Variants in ADAMTS8 observed in about 807,000 individuals in gnomAD.
The protein encoded by ADAMTS8 is ADAM metallopeptidase with thrombospondin type 1 motif 8.
A neutral mutation model predicts 64.4 loss-of-function variants in ADAMTS8; 50 were observed. The ratio of observed to expected loss-of-function variants is 0.78; its 90% CI spans 0.62 to 0.98. The LOEUF (loss-of-function observed/expected upper bound fraction) is 0.98. Among genes scored for constraint, ADAMTS8 ranks in the 50% least tolerant of loss-of-function variants. The probability of loss-of-function intolerance (pLI) is 0.00; values close to 1 mark genes in which losing one functional copy is unlikely to be tolerated. For synonymous variants in ADAMTS8, 556 were observed against 533.6 expected (o/e 1.04, Z -0.58); for missense variants, 1,192 against 1,208.2 (o/e 0.99, Z 0.20).
chr11:130,409,333 G>A (rs1392860545), intron 6 of ADAMTS8, among the ~76,000 whole-genome samples: 1 of 152,222 alleles, frequency 6.6e-6, no homozygotes, highest in Non-Finnish European at 1.5e-5. Flanking sequence ...CAGTGACACC[G>A]GACATGAATC....
Position 130,405,186 on chromosome 11 carries a change from A to C in ADAMTS8, c.*372T>G. 9.8e-7 allele frequency: 1 copy of C among 1,020,256 alleles called. No individual in the cohort carries two copies. The allele number at this position is 1,020,256 out of a possible 1,614,324, so 63.2% of individuals were successfully genotyped here. ...GTACTAATTTTTTCCCCTGTGAGGT[A>C]GATTATTTATCGGGGAAACCAGATA... is the stretch of plus-strand genomic sequence containing the variant. On this transcript the variant is annotated 3_prime_UTR_variant, in exon 9 of 9. Coordinates refer to ENST00000257359, the MANE Select transcript of ADAMTS8 (RefSeq NM_007037.6).
At chr11:130,419,770 C>G (rs899744799) in intron 1 of ADAMTS8, among the ~76,000 whole-genome samples, 1 of 152,234 alleles carries the variant, frequency 6.6e-6, no homozygotes, top group Admixed American at 6.5e-5. Flanking sequence ...CAACCACCCC[C>G]ACCCGTCCCC....
chr11:130,406,701 G>T (rs1252055081), intron 8 of ADAMTS8, among the ~76,000 whole-genome samples: 5 of 152,216 alleles, frequency 3.3e-5, no homozygotes, highest in Admixed American at 3.3e-4. Context: ...GTTTAAGCCT[G>T]CTTCTTTGAA....
Position 130,427,968 on chromosome 11 carries a change from T to C in ADAMTS8, c.319A>G (p.Asn107Asp). The change falls in exon 1 of 9, where the codon AAT (asparagine) becomes GAT (aspartate). Residue 107 changes from asparagine to aspartate, a missense_variant. Asn to Asp is a conservative substitution (Grantham distance 23). This residue lies in a region of ADAMTS8 where 741 missense variants were observed against 710.6 expected (regional missense o/e 1.04). Transcript: ENST00000257359. ...LRGCFFSGTV[N>D]GEPESLAAVS... Reference sequence around the variant, plus strand: ...GCCGCCAGCGACTCGGGCTCCCCATTCACGGTGCCGGAGAAGAAGCAGCCG... The same window carrying C: ...GCCGCCAGCGACTCGGGCTCCCCATCCACGGTGCCGGAGAAGAAGCAGCCG... The C allele has an allele frequency of 6.5e-7, 1 of 1,531,464 alleles. No homozygotes were observed. Among genetic ancestry groups the C allele is most frequent in the Non-Finnish European group, 8.7e-7 (1 of 1,145,472 alleles). The allele number at this position is 1,531,464 out of a possible 1,614,324, so 94.9% of individuals were successfully genotyped here. A position where few individuals can be genotyped will look rare whatever the true frequency, so the allele number is the denominator to read the frequency against.
chr11:130,414,414 G>C, intron 5 of ADAMTS8, 117 bp downstream of exon 5: 4 of 1,289,448 alleles, frequency 3.1e-6, no homozygotes, highest in Non-Finnish European at 4.2e-6. Flanking sequence ...CTGCCTGGCT[G>C]TCTCTCGGTT....
At chr11:130,427,034 G>T (rs903630578) in intron 1 of ADAMTS8, among the ~76,000 whole-genome samples, 22 of 152,180 alleles carry the variant, frequency 1.4e-4, no homozygotes, top group African/African-American at 5.3e-4. Context: ...CCCTCTCCAG[G>T]TTCAGCTCCT....
chr11:130,411,698 CATT>C lies in ADAMTS8; in HGVS notation c.1567-101_1567-99del. On this transcript the variant is annotated intron_variant, in intron 5 of 8. Transcript: ENST00000257359. This position sits in a 1 kb window ranked among gnomAD's most constrained non-coding sequence, Gnocchi z 4.2. ...CAATGCCCTGGCTTCCTCATCTAGTCATTATCATCTTGGTGCATGGAGTGCCGT... is the reference window on the plus strand; with the variant it reads ...CAATGCCCTGGCTTCCTCATCTAGTCATCATCTTGGTGCATGGAGTGCCGT... 8.0e-7 allele frequency: 1 copy of C among 1,250,514 alleles called. No individual in the cohort carries two copies. The highest frequency in any genetic ancestry group is 1.4e-5 in the South Asian group (1 of 72,202). The allele number at this position is 1,250,514 out of a possible 1,614,324, so 77.5% of individuals were successfully genotyped here.
At position 130,411,437 on chromosome 11, in the gene ADAMTS8, G is replaced by T. The variant is rs377662947; in HGVS notation, c.1730C>A (p.Thr577Lys). The change falls in exon 6 of 9, where the codon ACG becomes AAG. Residue 577 changes from threonine to lysine, a missense_variant. Transcript: ENST00000257359. The surrounding 1 kb of genome is among the most constrained non-coding windows in gnomAD (Gnocchi z 4.2). ...GRRAKYQSCH[T>K]EECPPDGKSF... is the part of the protein sequence containing the mutation. ...ATTACCGTCAGGGGGGCATTCCTCCGTGTGGCATGACTGGTACTTGGCTCT... is the reference window on the plus strand; with the variant it reads ...ATTACCGTCAGGGGGGCATTCCTCCTTGTGGCATGACTGGTACTTGGCTCT... The T allele has an allele frequency of 1.2e-6, 2 of 1,614,072 alleles. No individual in the cohort carries two copies. Among genetic ancestry groups the T allele is most frequent in the South Asian group, 1.1e-5 (1 of 91,062 alleles).
chr11:130,425,648 T>G (rs1475320420), intron 1 of ADAMTS8, among the ~76,000 whole-genome samples: 20 of 151,462 alleles, frequency 1.3e-4, no homozygotes, highest in Admixed American at 1.3e-3. Context: ...TCACCCAGGC[T>G]GGAGTGCAGT....
At position 130,414,653 on chromosome 11, in the gene ADAMTS8, C is replaced by A. The variant is rs371526762; in HGVS notation, c.1444G>T (p.Ala482Ser). 4.9e-4 allele frequency: 792 copies of A among 1,613,770 alleles called. 13 individuals carry two copies. In the South Asian group the frequency reaches 8.3e-3, roughly 17 times the overall value. The change falls in exon 5 of 9, where the codon GCT (alanine) becomes TCT (serine). Residue 482 changes from alanine (A) to serine (S), a missense_variant. Physicochemically the swap from Ala to Ser is moderately conservative, Grantham distance 99. Transcript: ENST00000257359. ...CAQLWCHTDGAEPLCHTKNGS... is the reference protein window; with the variant it reads ...CAQLWCHTDGSEPLCHTKNGS... ...TTCTTCGTGTGGCACAGGGGCTCAG[C>A]CCCATCAGTGTGGCACCAAAGCTGG...
chr11:130,425,405 AGT>A (rs1241394544), intron 1 of ADAMTS8, among the ~76,000 whole-genome samples: 1 of 152,078 alleles, frequency 6.6e-6, no homozygotes, highest in Non-Finnish European at 1.5e-5. Context: ...CAGCTGAGAG[AGT>A]GAGACAGTCT....
rs1403801484 is a variant in ADAMTS8, at chr11:130,406,228, C to T, written c.2100-100G>A. 2.2e-5 allele frequency: 31 copies of T among 1,402,662 alleles called. 1 individual carries two copies. Among genetic ancestry groups the T allele is most frequent in the East Asian group, 1.2e-4 (5 of 42,116 alleles). The allele number at this position is 1,402,662 out of a possible 1,614,324, so 86.9% of individuals were successfully genotyped here. ...AAGTGGGCACCCCAGGTGGCAGACACGAAAAAAACAAAGCAAGTAATTAAG... is the reference window on the plus strand; with the variant it reads ...AAGTGGGCACCCCAGGTGGCAGACATGAAAAAAACAAAGCAAGTAATTAAG... On this transcript the variant is annotated intron_variant, in intron 8 of 8. Coordinates refer to ENST00000257359, the MANE Select transcript of ADAMTS8 (RefSeq NM_007037.6).
intron 5 of ADAMTS8, among the ~76,000 whole-genome samples, chr11:130,412,626 A>G (rs754744025): frequency 1.3e-5 from 2 of 152,228 alleles, no homozygotes; most frequent in African/African-American, 4.8e-5. Context: ...AAAAGTTATA[A>G]AAGTAATAGT....
chr11:130,423,003 T>C (rs193128025), intron 1 of ADAMTS8, among the ~76,000 whole-genome samples: 1 of 152,352 alleles, frequency 6.6e-6, no homozygotes, highest in Admixed American at 6.5e-5. Context: ...GTATAACTGC[T>C]CCTACCTGAA....
chr11:130,408,641 T>G lies in ADAMTS8; in HGVS notation c.1924-2A>C, dbSNP rs1861913969. 5 of 1,613,776 alleles carry G rather than the reference T, an allele frequency of 3.1e-6. No individual in the cohort carries two copies. Among genetic ancestry groups the G allele is most frequent in the Non-Finnish European group, 4.2e-6 (5 of 1,179,774 alleles). On this transcript the variant is annotated splice_acceptor_variant, in intron 7 of 8. Coordinates refer to ENST00000257359, the MANE Select transcript of ADAMTS8 (RefSeq NM_007037.6). LOFTEE classifies it high-confidence loss of function. Reference sequence around the variant, plus strand: ...CCCACACAGGGTGCCATCAATCACCTGCAACGGGGAAAGGGAAGGTGAGGG... The same window carrying G: ...CCCACACAGGGTGCCATCAATCACCGGCAACGGGGAAAGGGAAGGTGAGGG...
chr11:130,424,610 C>T (rs1428150352), intron 1 of ADAMTS8, among the ~76,000 whole-genome samples: 1 of 152,178 alleles, frequency 6.6e-6, no homozygotes, highest in Admixed American at 6.5e-5. Flanking sequence ...ATGAGGTCTC[C>T]ACATAAAGGA....
chr11:130,409,208 A>G (rs1470465958), intron 6 of ADAMTS8, among the ~76,000 whole-genome samples: 2 of 152,130 alleles, frequency 1.3e-5, no homozygotes, highest in Non-Finnish European at 1.5e-5. Flanking sequence ...ATTGTACTCT[A>G]CAGGTGAATA....
In ADAMTS8 at chr11:130,416,277, C is replaced by G. The variant is rs760656228; in HGVS notation, c.1150G>C (p.Gly384Arg). The G allele has an allele frequency of 6.3e-7, 1 of 1,577,950 alleles. No individual in the cohort carries two copies. Among genetic ancestry groups the G allele is most frequent in the Middle Eastern group, 1.7e-4 (1 of 5,916 alleles). Reference protein sequence around the residue: ...DDSKPCTRLFGPMGKHHVMAP... With the variant: ...DDSKPCTRLFRPMGKHHVMAP... ...ATCACGTGGTGCTTGCCCATGGGCC[C>G]GAAGAGCCGTGTGCAGGGCTTGGAG... The change falls in exon 4 of 9, where the codon GGG (glycine) becomes CGG (arginine). Residue 384 changes from glycine (G) to arginine (R), a missense_variant. By Grantham distance (125) the Gly-to-Arg change is moderately radical. Around this residue, in one of 5 missense-constraint regions of ADAMTS8, gnomAD observed 741 missense variants for 710.6 expected, o/e 1.04. Coordinates refer to ENST00000257359, the MANE Select transcript of ADAMTS8 (RefSeq NM_007037.6). The surrounding 1 kb of genome is among the most constrained non-coding windows in gnomAD (Gnocchi z 4.8).
Position 130,428,272 on chromosome 11 carries a change from G to T in ADAMTS8, c.15C>A (p.Pro5=), listed in dbSNP as rs914916139. The part of the protein sequence containing the change: MLPA[P]AAPRWPPLLL... ...GGAGCGGAGGCCACCGGGGGGCGGC[G>T]GGGGCGGGGAGCATGGGGGCTGCGG... The change falls in exon 1 of 9, where the codon CCC becomes CCA. Residue 5 remains proline (P), a synonymous_variant. Transcript: ENST00000257359. The T allele has an allele frequency of 8.3e-7, 1 of 1,208,390 alleles. No homozygotes were observed. Among genetic ancestry groups the T allele is most frequent in the Non-Finnish European group, 1.0e-6 (1 of 976,212 alleles). The allele number at this position is 1,208,390 out of a possible 1,614,324, so 74.9% of individuals were successfully genotyped here.
Sources: allele counts gnomAD v4.1 joint callset (sites outside exome capture counted in the v4.1 genomes callset), GRCh38; gene constraint gnomAD v4.1.1; regional missense constraint gnomAD v4.1.1; non-coding constraint Gnocchi (gnomAD v3.1); transcripts MANE v1.5; gene names NCBI Gene and HGNC (gene_info 2026-07-23, HGNC 2026-07-21).